NKAIN2: variants seen among roughly 807,000 people sequenced by gnomAD.
NKAIN2 encodes sodium/potassium transporting ATPase interacting 2, also known as sodium/potassium-transporting ATPase subunit beta-1-interacting protein 2.
A neutral mutation model predicts 32.6 loss-of-function variants in NKAIN2; 14 were observed. The ratio of observed to expected loss-of-function variants is 0.43; its 90% CI spans 0.28 to 0.67. The LOEUF (loss-of-function observed/expected upper bound fraction) is 0.67. Among genes scored for constraint, NKAIN2 ranks in the 30% least tolerant of loss-of-function variants. NKAIN2 has a pLI of 0.17. For missense variants in NKAIN2, 198 were observed against 258.3 expected, an observed-to-expected ratio of 0.77 and a Z score of 1.60; for synonymous variants, 80 against 87.2, an observed-to-expected ratio of 0.92 and a Z score of 0.46.
At chr6:124,028,825 A>G (rs916867535) in intron 1 of NKAIN2, among the ~76,000 whole-genome samples, 1 of 140,752 alleles carries the variant, frequency 7.1e-6, no homozygotes, top group African/African-American at 2.8e-5. Context: ...ATATGTGTAT[A>G]TATATACATA....
chr6:124,030,483 AG>A (rs1358398717), intron 1 of NKAIN2, among the ~76,000 whole-genome samples: 1 of 152,124 alleles, frequency 6.6e-6, no homozygotes, highest in Admixed American at 6.5e-5. Flanking sequence ...ATTCTTACTC[AG>A]TGGTTCTTAC....
chr6:124,582,682 A>G (rs184477875), intron 3 of NKAIN2, among the ~76,000 whole-genome samples: 53 of 152,310 alleles, frequency 3.5e-4, no homozygotes, highest in African/African-American at 1.3e-3. Context: ...AGAAAACTAC[A>G]GGCCAATATG....
Position 124,057,967 on chromosome 6 carries a change from C to T in NKAIN2, c.55-225038C>T, listed in dbSNP as rs1221223001. ...GGAAAAAGAAAATTAGGTATTTGCT[C>T]ACAAGACAACTGCAAAGAAAACAGC... On this transcript the variant is annotated intron_variant, in intron 1 of 6. Coordinates refer to ENST00000368417, the MANE Select transcript of NKAIN2 (RefSeq NM_001040214.3). Among the ~76,000 whole-genome samples, 3 of 152,132 alleles carry T rather than the reference C, an allele frequency of 2.0e-5. No individual in the cohort carries two copies. The East Asian group carries it at 5.8e-4, about 29-fold the overall frequency.
At chr6:123,860,926 A>G (rs189994665) in intron 1 of NKAIN2, among the ~76,000 whole-genome samples, 10 of 152,276 alleles carry the variant, frequency 6.6e-5, no homozygotes, top group African/African-American at 1.2e-4. Flanking sequence ...TGCCCGCAGT[A>G]TGCCAGTTGT....
intron 4 of NKAIN2, chr6:124,658,853 A>G (rs746780942): frequency 5.5e-6 from 1 of 180,190 alleles, no homozygotes; most frequent in Non-Finnish European, 1.1e-5. Flanking sequence ...CCCAGGCACC[A>G]TCCATCACCT....
At chr6:123,832,499 A>T (rs566675395) in intron 1 of NKAIN2, among the ~76,000 whole-genome samples, 1 of 152,282 alleles carries the variant, frequency 6.6e-6, no homozygotes, top group East Asian at 1.9e-4. Context: ...AAGAAGCGCA[A>T]TTTTTGTATT....
intron 3 of NKAIN2, among the ~76,000 whole-genome samples, chr6:124,562,730 G>GT: frequency 6.6e-6 from 1 of 152,084 alleles, no homozygotes; most frequent in South Asian, 2.1e-4. Context: ...AGTGCCATTT[G>GT]TTTTACCTTT....
chr6:124,727,100 A>G (rs1307354017), intron 4 of NKAIN2, among the ~76,000 whole-genome samples: 1 of 152,288 alleles, frequency 6.6e-6, no homozygotes, highest in Admixed American at 6.5e-5. Flanking sequence ...CTGAAAGTGA[A>G]GTGGAGAATG....
intron 3 of NKAIN2, among the ~76,000 whole-genome samples, chr6:124,356,861 T>C (rs1374747649): frequency 6.6e-6 from 1 of 152,174 alleles, no homozygotes; most frequent in African/African-American, 2.4e-5. Context: ...ATAATCACCT[T>C]AAAAATTGTA....
At chr6:124,329,286 C>G (rs1291639208) in intron 2 of NKAIN2, among the ~76,000 whole-genome samples, 1 of 152,208 alleles carries the variant, frequency 6.6e-6, no homozygotes, top group African/African-American at 2.4e-5. Context: ...GCCTCATTAT[C>G]TCATCTGGGT....
At chr6:124,117,661 TA>T (rs1011750146) in intron 1 of NKAIN2, among the ~76,000 whole-genome samples, 4 of 151,800 alleles carry the variant, frequency 2.6e-5, no homozygotes, top group Non-Finnish European at 2.9e-5. Flanking sequence ...ATAATAATAA[TA>T]AAAAAAGAAA....
At chr6:124,217,502 T>C (rs1791541280) in intron 1 of NKAIN2, among the ~76,000 whole-genome samples, 1 of 152,098 alleles carries the variant, frequency 6.6e-6, no homozygotes, top group Admixed American at 6.6e-5. Flanking sequence ...AAACGATCTG[T>C]ACAATGGAAA....
intron 1 of NKAIN2, among the ~76,000 whole-genome samples, chr6:124,189,032 T>C (rs780054732): frequency 2.0e-5 from 3 of 152,182 alleles, no homozygotes; most frequent in Non-Finnish European, 4.4e-5. Flanking sequence ...CCAGATTTTC[T>C]AATACATCAC....
At chr6:123,893,042 C>T (rs1248518670) in intron 1 of NKAIN2, among the ~76,000 whole-genome samples, 2 of 151,758 alleles carry the variant, frequency 1.3e-5, no homozygotes, top group Non-Finnish European at 2.9e-5. Context: ...GACATTCTTG[C>T]GTCTGTTTTC....
chr6:124,265,033 T>C (rs1391844957), intron 1 of NKAIN2, among the ~76,000 whole-genome samples: 3 of 152,186 alleles, frequency 2.0e-5, no homozygotes, highest in Non-Finnish European at 2.9e-5. Flanking sequence ...ACATATAAGC[T>C]GTATGTATAT....
At chr6:124,528,621 C>A (rs1447367991) in intron 3 of NKAIN2, among the ~76,000 whole-genome samples, 1 of 152,102 alleles carries the variant, frequency 6.6e-6, no homozygotes, top group African/African-American at 2.4e-5. Context: ...AGAATCAGTG[C>A]TTGGAGCAAT....
chr6:124,352,022 C>T (rs1264394618), intron 2 of NKAIN2, among the ~76,000 whole-genome samples: 1 of 152,152 alleles, frequency 6.6e-6, no homozygotes, highest in Non-Finnish European at 1.5e-5. Context: ...TACTTTCAAA[C>T]AGTTGATCAT....
At chr6:124,176,375 A>G (rs1789157558) in intron 1 of NKAIN2, among the ~76,000 whole-genome samples, 1 of 152,126 alleles carries the variant, frequency 6.6e-6, no homozygotes, top group Non-Finnish European at 1.5e-5. Flanking sequence ...AACTAGCTCT[A>G]CTGGTTATAT....
Position 123,911,787 on chromosome 6 carries a change from A to ACATG in NKAIN2, c.54+107533_54+107534insCATG, listed in dbSNP as rs200656768. ...GTCGTATATATACATACATACATATATATATATATATATGTATATATATAT... is the reference window on the plus strand; with the variant it reads ...GTCGTATATATACATACATACATATACATGTATATATATATATGTATATATATAT... On this transcript the variant is annotated intron_variant, in intron 1 of 6. Transcript: ENST00000368417. Among the ~76,000 whole-genome samples, 698 of 71,242 alleles carry ACATG rather than the reference A, an allele frequency of 9.8e-3. 41 individuals carry two copies. The East Asian group carries it at 0.13, about 13-fold the overall frequency. The allele number at this position is 71,242 out of a possible 152,430, so 46.7% of individuals were successfully genotyped here.
Sources: allele counts gnomAD v4.1 joint callset (sites outside exome capture counted in the v4.1 genomes callset), GRCh38; gene constraint gnomAD v4.1.1; transcripts MANE v1.5; gene names NCBI Gene and HGNC (gene_info 2026-07-23, HGNC 2026-07-21).